Variants in CENPW observed in about 807,000 individuals in gnomAD.
CENPW encodes the protein cancer-up-regulated gene 2 protein.
A neutral mutation model predicts 11.1 loss-of-function variants in CENPW; 3 were observed. That is an observed-to-expected ratio of 0.27 (90% CI 0.12 to 0.70). CENPW has a LOEUF of 0.70. CENPW is among the 30% of genes least tolerant of loss of function. The pLI is 0.77. For synonymous variants in CENPW, 38 were observed against 42.0 expected, an observed-to-expected ratio of 0.91 and a Z score of 0.37; for missense variants, 100 against 105.6, an observed-to-expected ratio of 0.95 and a Z score of 0.23.
At chr6:126,457,393 G>A in the CENPW span, among the ~76,000 whole-genome samples, 2 of 151,436 alleles carry the variant, frequency 1.3e-5, no homozygotes, top group South Asian at 2.1e-4. Flanking sequence ...AAAAATGAAC[G>A]AGATCACGTC....
the CENPW span, among the ~76,000 whole-genome samples, chr6:126,402,940 A>AT: frequency 1.3e-5 from 2 of 151,872 alleles, no homozygotes; most frequent in Non-Finnish European, 2.9e-5. Flanking sequence ...TATCAATGCC[A>AT]TTTTTTCAAG....
At chr6:126,357,992 G>T in the CENPW span, among the ~76,000 whole-genome samples, 2 of 152,160 alleles carry the variant, frequency 1.3e-5, no homozygotes, top group East Asian at 3.8e-4. Flanking sequence ...AAATGGGATT[G>T]TCTTCTTCCA....
the CENPW span, among the ~76,000 whole-genome samples, chr6:126,412,225 T>C: frequency 2.6e-5 from 4 of 151,532 alleles, no homozygotes; most frequent in Admixed American, 2.6e-4. Flanking sequence ...AAGGCTCAAG[T>C]GATTCTCCCA....
chr6:126,379,837 ATCT>A, the CENPW span, among the ~76,000 whole-genome samples: 1 of 152,202 alleles, frequency 6.6e-6, no homozygotes, highest in African/African-American at 2.4e-5. Context: ...GAAAAGTATA[ATCT>A]TTGACAGCTA....
chr6:126,423,620 G>A, the CENPW span, among the ~76,000 whole-genome samples: 6 of 151,966 alleles, frequency 3.9e-5, no homozygotes, highest in Non-Finnish European at 7.4e-5. Context: ...GTGGTGGATG[G>A]TGGTGGTGGT....
the CENPW span, among the ~76,000 whole-genome samples, chr6:126,383,388 T>G: frequency 6.6e-6 from 1 of 152,056 alleles, no homozygotes. Context: ...TATCCAGCTA[T>G]TCACTTGATG....
chr6:126,415,141 T>C, the CENPW span, among the ~76,000 whole-genome samples: 1 of 152,110 alleles, frequency 6.6e-6, no homozygotes, highest in South Asian at 2.1e-4. Flanking sequence ...GAGTTAATTT[T>C]TGTGTAACTC....
the CENPW span, among the ~76,000 whole-genome samples, chr6:126,382,575 T>A: frequency 6.6e-6 from 1 of 151,880 alleles, no homozygotes; most frequent in Non-Finnish European, 1.5e-5. Flanking sequence ...CAGAAAAAAA[T>A]AGCCAGTATG....
the CENPW span, among the ~76,000 whole-genome samples, chr6:126,356,337 G>A: frequency 6.6e-6 from 1 of 152,260 alleles, no homozygotes; most frequent in Non-Finnish European, 1.5e-5. Flanking sequence ...GAAACTAATA[G>A]GTAGAGCTTT....
the CENPW span, among the ~76,000 whole-genome samples, chr6:126,433,382 T>A: frequency 2.0e-5 from 3 of 152,340 alleles, no homozygotes; most frequent in South Asian, 2.1e-4. Context: ...TGGAGAATAC[T>A]CTGCATGCAT....
the CENPW span, among the ~76,000 whole-genome samples, chr6:126,424,216 G>A: frequency 8.0e-4 from 122 of 151,772 alleles, no homozygotes; most frequent in African/African-American, 2.5e-3. Flanking sequence ...CATTTTATTC[G>A]GGTCCTATTC....
the CENPW span, among the ~76,000 whole-genome samples, chr6:126,475,653 C>A: frequency 1.3e-5 from 2 of 151,960 alleles, no homozygotes; most frequent in Non-Finnish European, 2.9e-5. Flanking sequence ...AGTCACTTAA[C>A]CTTTCTTATG....
At chr6:126,390,120 A>G in the CENPW span, among the ~76,000 whole-genome samples, 1 of 151,844 alleles carries the variant, frequency 6.6e-6, no homozygotes, top group African/African-American at 2.4e-5. Flanking sequence ...CACAGTCTAT[A>G]CTCAACCAAT....
At chr6:126,395,755 T>C in the CENPW span, among the ~76,000 whole-genome samples, 1 of 152,204 alleles carries the variant, frequency 6.6e-6, no homozygotes, top group Non-Finnish European at 1.5e-5. Flanking sequence ...GAGGTACCCC[T>C]AGCCCAGTAA....
At chr6:126,379,430 G>A in the CENPW span, among the ~76,000 whole-genome samples, 1 of 152,148 alleles carries the variant, frequency 6.6e-6, no homozygotes, top group Non-Finnish European at 1.5e-5. Flanking sequence ...TGAGTGTGAA[G>A]CCTATGTTAT....
chr6:126,367,977 G>A, the CENPW span, among the ~76,000 whole-genome samples: 2 of 152,154 alleles, frequency 1.3e-5, no homozygotes, highest in South Asian at 4.2e-4. Flanking sequence ...CATTAGTTTG[G>A]GATGTTAAGA....
the CENPW span, among the ~76,000 whole-genome samples, chr6:126,422,316 A>C: frequency 6.6e-6 from 1 of 152,088 alleles, no homozygotes; most frequent in African/African-American, 2.4e-5. Flanking sequence ...CCATAATACA[A>C]TACAATGTAC....
the CENPW span, among the ~76,000 whole-genome samples, chr6:126,396,694 C>T: frequency 6.6e-6 from 1 of 152,056 alleles, no homozygotes; most frequent in Non-Finnish European, 1.5e-5. Context: ...GAGAGTTCCA[C>T]CCAAGACCAA....
chr6:126,480,343 G>C, the CENPW span, among the ~76,000 whole-genome samples: 14 of 152,052 alleles, frequency 9.2e-5, no homozygotes, highest in Non-Finnish European at 1.6e-4. Flanking sequence ...ATGAACATGG[G>C]ACAGAGAATA....
Sources: gnomAD v4.1 joint callset for allele counts (sites outside exome capture counted in the v4.1 genomes callset) on GRCh38, gnomAD v4.1.1 for gene constraint, MANE v1.5 for transcripts, NCBI Gene and HGNC (gene_info 2026-07-23, HGNC 2026-07-21) for gene names.